GET4: variants seen among roughly 807,000 people sequenced by gnomAD.
GET4 encodes the protein Golgi to ER traffic protein 4 homolog.
In GET4, 20 loss-of-function variants were observed where a neutral mutation model predicts 40.0. The observed-to-expected ratio is 0.50, with a 90% CI of 0.35 to 0.73. The LOEUF (loss-of-function observed/expected upper bound fraction) is 0.73, where lower values mean the gene tolerates loss of function less well. GET4 is among the 30% of genes least tolerant of loss of function. The pLI, the probability that GET4 is intolerant of heterozygous loss-of-function variation, is 0.01. For synonymous variants in GET4, 280 were observed against 194.6 expected, an observed-to-expected ratio of 1.44 and a Z score of -3.65; for missense variants, 557 against 454.0, an observed-to-expected ratio of 1.23 and a Z score of -2.06.
chr7:879,448 G>A (rs998326081), intron 1 of GET4, among the ~76,000 whole-genome samples: 1 of 152,240 alleles, frequency 6.6e-6, no homozygotes, highest in South Asian at 2.1e-4. Flanking sequence ...ACCTGAACGG[G>A]CTGGGATGAG....
intron 1 of GET4, chr7:885,767 C>A: frequency 2.4e-6 from 1 of 414,880 alleles, no homozygotes; most frequent in Non-Finnish European, 4.4e-6. Flanking sequence ...TTTCTGGTCC[C>A]AGCTACTGAA....
rs1844461584 is a variant in GET4 at position 895,515 on chromosome 7, C to G, written c.*93C>G. The G allele has an allele frequency of 9.6e-6, 6 of 627,818 alleles. No homozygotes were observed. The highest frequency in any genetic ancestry group is 3.7e-5 in the African/African-American group (2 of 53,474). The allele number at this position is 627,818 out of a possible 1,614,324, so 38.9% of individuals were successfully genotyped here. ...GGGTGGCTCCTCGCCTTGGGGGCTC[C>G]TGGCCCTGAGGCTGGCGGTGGCCGC... is the stretch of plus-strand genomic sequence containing the variant. On this transcript the variant is annotated 3_prime_UTR_variant, in exon 9 of 9. Coordinates refer to ENST00000265857, the MANE Select transcript of GET4 (RefSeq NM_015949.3).
At chr7:878,472 T>C in intron 1 of GET4, 1 of 436,938 alleles carries the variant, frequency 2.3e-6, no homozygotes, top group South Asian at 1.6e-5. Flanking sequence ...CCTTCTAAAC[T>C]GCCACAGGGC....
intron 1 of GET4, among the ~76,000 whole-genome samples, chr7:877,035 C>T (rs1337077461): frequency 6.6e-6 from 1 of 151,386 alleles, no homozygotes; most frequent in Non-Finnish European, 1.5e-5. Flanking sequence ...CGGCTTCCTT[C>T]CCCTCTCCTG....
chr7:887,814 C>T (rs1165139028), intron 4 of GET4, among the ~76,000 whole-genome samples: 1 of 152,246 alleles, frequency 6.6e-6, no homozygotes, highest in Non-Finnish European at 1.5e-5. Flanking sequence ...GCTGCTGCTC[C>T]TTTCTGGAAC....
At chr7:883,528 C>T in intron 1 of GET4, 4 of 985,334 alleles carry the variant, frequency 4.1e-6, no homozygotes, top group Non-Finnish European at 4.8e-6. Flanking sequence ...AGACACTTTG[C>T]TCTGTGGATA....
rs756379785 is a variant in GET4, at chr7:893,955, C to T, written c.879C>T (p.Ser293=). ...FFGVPPKQTS[S]YGGLLGNLLT... is the part of the protein sequence containing the mutation. ...GCGTCCCGCCCAAGCAGACGTCTTC[C>T]TACGGGGGCCTGCTCGGTAAGCCGG... Residue 293 remains serine, a synonymous_variant, in exon 8 of 9, where the codon TCC becomes TCT. Transcript: ENST00000265857. 13 of 1,601,242 alleles carry T rather than the reference C, an allele frequency of 8.1e-6. No individual in the cohort carries two copies. In the African/African-American group the frequency reaches 1.7e-4, roughly 21 times the overall value.
intron 1 of GET4, chr7:884,275 G>A (rs780704895): frequency 2.3e-6 from 3 of 1,304,024 alleles, no homozygotes; most frequent in Non-Finnish European, 3.0e-6. Context: ...TTTTTCCAGA[G>A]TGCCCTGTGC....
intron 4 of GET4, among the ~76,000 whole-genome samples, chr7:887,935 G>A: frequency 6.6e-6 from 1 of 152,242 alleles, no homozygotes; most frequent in East Asian, 1.9e-4. Flanking sequence ...GGGTCTGGCT[G>A]TCTGCGTGGT....
intron 2 of GET4, 148 bp from the exon 3 acceptor site, chr7:886,421 G>T: frequency 3.0e-6 from 2 of 658,460 alleles, no homozygotes; most frequent in South Asian, 1.8e-5. Context: ...TCTCTTTTTC[G>T]GCGGCATTGC....
At position 895,781 on chromosome 7, in the gene GET4, C is replaced by T. The variant is rs747267490; in HGVS notation, c.*359C>T. 6.0e-5 allele frequency: 10 copies of T among 166,840 alleles called. No homozygotes were observed. Among genetic ancestry groups the T allele is most frequent in the African/African-American group, 1.2e-4 (5 of 42,026 alleles). The allele number at this position is 166,840 out of a possible 1,614,324, so 10.3% of individuals were successfully genotyped here. Reference sequence around the variant, plus strand: ...CGTCCTCGGGGGGCTGCGCACATCACGCTCCTTGCCGGGCGTCCGGCACAG... The same window carrying T: ...CGTCCTCGGGGGGCTGCGCACATCATGCTCCTTGCCGGGCGTCCGGCACAG... On this transcript the variant is annotated 3_prime_UTR_variant, in exon 9 of 9. Transcript: ENST00000265857.
chr7:889,748 GAGTGGAGGGAGC>G lies in GET4; in HGVS notation c.467-1179_467-1168del, dbSNP rs1488020648. 1.9e-3 allele frequency among the ~76,000 whole-genome samples: 248 copies of G among 129,952 alleles called. 22 individuals are homozygous for G. Among genetic ancestry groups the G allele is most frequent in the Non-Finnish European group, 2.9e-3 (173 of 60,268 alleles). The allele number at this position is 129,952 out of a possible 152,430, so 85.3% of individuals were successfully genotyped here. On this transcript the variant is annotated intron_variant, in intron 4 of 8. Transcript: ENST00000265857. Reference sequence around the variant, plus strand: ...GAGCGGGTGTTAGGACGGGGTCTGGGAGTGGAGGGAGCGCGAGCGGGTGTTAGGACGGGGCCT... The same window carrying G: ...GAGCGGGTGTTAGGACGGGGTCTGGGGCGAGCGGGTGTTAGGACGGGGCCT...
intron 1 of GET4, chr7:882,472 G>A (rs1263878304): frequency 6.6e-6 from 1 of 152,440 alleles, no homozygotes. Context: ...TGGTTCATCT[G>A]GTTACGCTAG....
At position 886,011 on chromosome 7, in the gene GET4, G is replaced by C. The variant is rs73672452; in HGVS notation, c.156-45G>C. ...CTGAAGATGAGCGGGGGAGCGCGGT[G>C]GCGAGGGCACGTGGGCGTGGCTCAC... On this transcript the variant is annotated intron_variant, in intron 1 of 8. Coordinates refer to ENST00000265857, the MANE Select transcript of GET4 (RefSeq NM_015949.3). 7.8e-3 allele frequency: 8,916 copies of C among 1,141,270 alleles called. 469 individuals are homozygous for C. The African/African-American group carries it at 0.12, about 15-fold the overall frequency. 70.7% of individuals were successfully genotyped at this position (1,141,270 alleles called of 1,614,324 possible). A position where few individuals can be genotyped will look rare whatever the true frequency, so the allele number is the denominator to read the frequency against.
At chr7:878,225 T>C in intron 1 of GET4, 1 of 470,272 alleles carries the variant, frequency 2.1e-6, no homozygotes, top group South Asian at 1.5e-5. Context: ...TGTGACCGCT[T>C]GGAAGTTCCA....
chr7:878,273 C>G (rs1304603775), intron 1 of GET4: 1 of 471,070 alleles, frequency 2.1e-6, no homozygotes. Context: ...TTCAGGACTG[C>G]TCTGTTCCAG....
intron 8 of GET4, 49 bp downstream of exon 8, chr7:894,020 G>A (rs935211704): frequency 1.5e-6 from 2 of 1,312,898 alleles, no homozygotes; most frequent in Admixed American, 2.2e-5. Context: ...GGGTCGGTGT[G>A]GGGTCATCAT....
intron 1 of GET4, chr7:884,155 T>C (rs1420732613): frequency 7.8e-7 from 1 of 1,287,244 alleles, no homozygotes; most frequent in Non-Finnish European, 1.0e-6. Flanking sequence ...CAGAACGCTG[T>C]AGTATCGGCA....
intron 1 of GET4, among the ~76,000 whole-genome samples, chr7:878,674 G>A (rs752536666): frequency 5.9e-5 from 9 of 151,354 alleles, no homozygotes; most frequent in African/African-American, 9.7e-5. Flanking sequence ...CACCTCCCGA[G>A]TTCAAGCTAT....
Sources: allele counts gnomAD v4.1 joint callset (sites outside exome capture counted in the v4.1 genomes callset), GRCh38; gene constraint gnomAD v4.1.1; transcripts MANE v1.5; gene names NCBI Gene and HGNC (gene_info 2026-07-23, HGNC 2026-07-21).